Variants in GREB1L observed in about 807,000 individuals in gnomAD.
The protein encoded by GREB1L is GREB1-like protein.
In GREB1L, 17 loss-of-function variants were observed where a neutral mutation model predicts 200.8. The ratio of observed to expected loss-of-function variants is 0.08; its 90% confidence interval spans 0.06 to 0.13. The LOEUF (loss-of-function observed/expected upper bound fraction) is 0.13. Among genes scored for constraint, GREB1L ranks in the 10% least tolerant of loss-of-function variants. GREB1L has a pLI of 1.00. For missense variants in GREB1L, 1,657 were observed against 2,367.7 expected, an observed-to-expected ratio of 0.70 and a Z score of 6.23; for synonymous variants, 789 against 893.0, an observed-to-expected ratio of 0.88 and a Z score of 2.08.
intron 2 of GREB1L, among the ~76,000 whole-genome samples, chr18:21,377,198 G>A (rs1314500072): frequency 6.6e-6 from 1 of 151,972 alleles, no homozygotes; most frequent in Non-Finnish European, 1.5e-5. Context: ...GCAGAATGGT[G>A]ATGTGGGTAA....
At chr18:21,446,361 C>G (rs541398841) in intron 11 of GREB1L, among the ~76,000 whole-genome samples, 43 of 152,002 alleles carry the variant, frequency 2.8e-4, no homozygotes, top group African/African-American at 1.0e-3. Context: ...AAATCGGAGT[C>G]TAATTTAATT....
intron 1 of GREB1L, among the ~76,000 whole-genome samples, chr18:21,323,957 T>C (rs2038987175): frequency 6.6e-6 from 1 of 152,138 alleles, no homozygotes; most frequent in Non-Finnish European, 1.5e-5. Context: ...CACTTACAAG[T>C]GGAAACTAAC....
chr18:21,392,383 A>G (rs1220663391), intron 4 of GREB1L, among the ~76,000 whole-genome samples: 2 of 152,104 alleles, frequency 1.3e-5, no homozygotes, highest in African/African-American at 4.8e-5. Context: ...CCATGTATCC[A>G]TAGGCTCCAA....
At chr18:21,424,972 G>C (rs1425727757) in intron 7 of GREB1L, among the ~76,000 whole-genome samples, 1 of 152,124 alleles carries the variant, frequency 6.6e-6, no homozygotes, top group African/African-American at 2.4e-5. Flanking sequence ...CCATATCGTA[G>C]TATGTATCAG....
At chr18:21,280,090 G>T (rs1443238218) in intron 1 of GREB1L, among the ~76,000 whole-genome samples, 1 of 152,156 alleles carries the variant, frequency 6.6e-6, no homozygotes, top group Non-Finnish European at 1.5e-5. Flanking sequence ...GTTGTACATT[G>T]TATGGGTTTT....
chr18:21,350,308 G>T (rs1356653445), intron 1 of GREB1L, among the ~76,000 whole-genome samples: 1 of 149,388 alleles, frequency 6.7e-6, no homozygotes, highest in Non-Finnish European at 1.5e-5. Context: ...CGTGATCTCA[G>T]CTCACTGCAA....
chr18:21,451,505 T>G, intron 13 of GREB1L: 2 of 175,212 alleles, frequency 1.1e-5, no homozygotes, highest in East Asian at 3.3e-4. Flanking sequence ...TTTTTTTTTT[T>G]TTTACAGTGT....
intron 18 of GREB1L, among the ~76,000 whole-genome samples, chr18:21,489,124 G>A (rs562751442): frequency 1.2e-4 from 19 of 152,242 alleles, no homozygotes; most frequent in Admixed American, 4.6e-4. Context: ...TGGCTGAGGC[G>A]TAGCACCAAA....
intron 1 of GREB1L, among the ~76,000 whole-genome samples, chr18:21,283,936 A>G (rs2038312575): frequency 6.6e-6 from 1 of 152,228 alleles, no homozygotes; most frequent in African/African-American, 2.4e-5. Flanking sequence ...GCCTTGTCAC[A>G]AACATTTAAA....
At chr18:21,263,891 T>G (rs2037926721) in intron 1 of GREB1L, among the ~76,000 whole-genome samples, 1 of 152,226 alleles carries the variant, frequency 6.6e-6, no homozygotes, top group Non-Finnish European at 1.5e-5. Flanking sequence ...ACTGCTACCA[T>G]TTTGTTGTAT....
intron 4 of GREB1L, among the ~76,000 whole-genome samples, chr18:21,395,009 G>A (rs1328184364): frequency 1.3e-5 from 2 of 149,272 alleles, no homozygotes; most frequent in Non-Finnish European, 3.0e-5. Context: ...GGGAGGCTGA[G>A]GCAGGAGAAT....
chr18:21,260,435 C>G (rs1388278644), intron 1 of GREB1L, among the ~76,000 whole-genome samples: 3 of 151,824 alleles, frequency 2.0e-5, no homozygotes, highest in African/African-American at 4.8e-5. Context: ...AGAACTTATT[C>G]CTTGTACAAT....
At chr18:21,322,154 A>G (rs1374416073) in intron 1 of GREB1L, among the ~76,000 whole-genome samples, 6 of 152,238 alleles carry the variant, frequency 3.9e-5, no homozygotes, top group Admixed American at 6.5e-5. Context: ...GTATAATTTA[A>G]ATGTGAAAGT....
At chr18:21,328,233 C>T (rs1216245619) in intron 1 of GREB1L, among the ~76,000 whole-genome samples, 1 of 152,146 alleles carries the variant, frequency 6.6e-6, no homozygotes, top group Non-Finnish European at 1.5e-5. Context: ...TATGAGAGCC[C>T]TAATCACACT....
At chr18:21,435,670 C>T (rs291786) in intron 7 of GREB1L, among the ~76,000 whole-genome samples, 147,344 of 152,268 alleles carry the variant, frequency 0.97, 71,346 homozygotes, top group East Asian at 1. Flanking sequence ...ATATGATGTA[C>T]GCAAGAACTT....
intron 1 of GREB1L, among the ~76,000 whole-genome samples, chr18:21,305,933 T>C (rs552075100): frequency 3.9e-5 from 6 of 152,362 alleles, no homozygotes; most frequent in Non-Finnish European, 8.8e-5. Context: ...CTTCCTGTTG[T>C]TCAAGTCTTT....
At chr18:21,459,439 C>G (rs896230294) in intron 15 of GREB1L, among the ~76,000 whole-genome samples, 1 of 151,872 alleles carries the variant, frequency 6.6e-6, no homozygotes, top group African/African-American at 2.4e-5. Context: ...GCGCCCACCA[C>G]CATGCCCAGC....
At chr18:21,274,376 G>A (rs2038127768) in intron 1 of GREB1L, among the ~76,000 whole-genome samples, 1 of 150,744 alleles carries the variant, frequency 6.6e-6, no homozygotes, top group Non-Finnish European at 1.5e-5. Flanking sequence ...CAAATACCAA[G>A]TATATATATA....
chr18:21,508,810 G>T, intron 27 of GREB1L: 1 of 568,048 alleles, frequency 1.8e-6, no homozygotes, highest in Non-Finnish European at 3.1e-6. Flanking sequence ...TCTGAGGACT[G>T]GTAATTAAGG....
Sources: gnomAD v4.1 joint callset for allele counts (sites outside exome capture counted in the v4.1 genomes callset) on GRCh38, gnomAD v4.1.1 for gene constraint, MANE v1.5 for transcripts, NCBI Gene and HGNC (gene_info 2026-07-23, HGNC 2026-07-21) for gene names.